Variants in CEP290 observed in about 807,000 individuals in gnomAD.
The protein encoded by CEP290 is centrosomal protein of 290 kDa.
In CEP290, 317 loss-of-function variants were observed where a neutral mutation model predicts 344.9. That is an observed-to-expected ratio of 0.92 (90% CI 0.84 to 1.01). CEP290 has a LOEUF of 1.01. Ranked by LOEUF, CEP290 falls within the 50% of genes least tolerant of loss-of-function variation. The pLI, the probability that CEP290 is intolerant of heterozygous loss-of-function variation, is 0.00. For synonymous variants in CEP290, 932 were observed against 895.8 expected, an observed-to-expected ratio of 1.04 and a Z score of -0.72; for missense variants, 2,754 against 2,761.4, an observed-to-expected ratio of 1.00 and a Z score of 0.06.
intron 6 of CEP290, 27 bp downstream of exon 6, chr12:88,136,616 G>T: frequency 6.2e-7 from 1 of 1,610,402 alleles, no homozygotes; most frequent in Non-Finnish European, 8.5e-7. Context: ...GAACAGTGAA[G>T]ATTCATGGAA....
In CEP290 at chr12:88,139,534, C is replaced by T. The variant is rs2040522225; in HGVS notation, c.211G>A (p.Glu71Lys). Residue 71 changes from glutamate to lysine, a missense_variant, in exon 4 of 54, where the codon GAA becomes AAA. By Grantham distance (56) the Glu-to-Lys change is moderately conservative. Coordinates refer to ENST00000552810, the MANE Select transcript of CEP290 (RefSeq NM_025114.4). Reference sequence around the variant, plus strand: ...TCTTCTCCAGCTTTTTCTACTTCTTCCAAAGCCAGCTCCACTTCTTGAGCT... The same window carrying T: ...TCTTCTCCAGCTTTTTCTACTTCTTTCAAAGCCAGCTCCACTTCTTGAGCT... ...MKAQEVELAL[E>K]EVEKAGEEQA... 6.3e-7 allele frequency: 1 copy of T among 1,595,148 alleles called. No homozygotes were observed. Among genetic ancestry groups the T allele is most frequent in the Non-Finnish European group, 8.5e-7 (1 of 1,171,718 alleles).
chr12:88,092,330 C>G (rs1378503695), intron 29 of CEP290, among the ~76,000 whole-genome samples: 3 of 152,068 alleles, frequency 2.0e-5, no homozygotes, highest in Non-Finnish European at 4.4e-5. Flanking sequence ...CTATTACTCC[C>G]TTATTAAAAT....
Position 88,083,114 on chromosome 12 carries a change from T to C in CEP290, c.4929A>G (p.Lys1643=). ...CCAAATCTTGTGATACTTTCTTTAGTTTGACCAAGAGTGAGGAAAGAGAGT... is the reference window on the plus strand; with the variant it reads ...CCAAATCTTGTGATACTTTCTTTAGCTTGACCAAGAGTGAGGAAAGAGAGT... ...QDDSLSSLLV[K]LKKVSQDLER... is the part of the protein sequence containing the mutation. Residue 1643 remains lysine, a synonymous_variant, in exon 37 of 54, where the codon AAA becomes AAG. Transcript: ENST00000552810. 6.5e-7 allele frequency: 1 copy of C among 1,544,112 alleles called. No homozygotes were observed. The highest frequency in any genetic ancestry group is 1.2e-5 in the South Asian group (1 of 80,998).
At position 88,092,688 on chromosome 12, in the gene CEP290, C is replaced by A. The variant is rs2037140913; in HGVS notation, c.3454G>T (p.Val1152Leu). The A allele has an allele frequency of 1.9e-6, 3 of 1,607,888 alleles. No homozygotes were observed. In the South Asian group the frequency reaches 3.4e-5, roughly 18 times the overall value. Residue 1152 changes from valine (V) to leucine (L), a missense_variant, in exon 29 of 54, where the codon GTG (valine) becomes TTG (leucine). Coordinates refer to ENST00000552810, the MANE Select transcript of CEP290 (RefSeq NM_025114.4). ...ATGCTTATATGCACTTACTTTGACACTTCAACTTTTAGTTCCATTTCATTC... is the reference window on the plus strand; with the variant it reads ...ATGCTTATATGCACTTACTTTGACAATTCAACTTTTAGTTCCATTTCATTC... ...EKNEMELKVE[V>L]SKLREISDIA...
At chr12:88,102,730 A>G in intron 26 of CEP290, 108 bp downstream of exon 26, 1 of 798,022 alleles carries the variant, frequency 1.3e-6, no homozygotes, top group Middle Eastern at 3.3e-4. Flanking sequence ...TGTTAAATTT[A>G]TATAAATGCA....
In CEP290 at chr12:88,136,604, T is replaced by C. The variant is rs763464135; in HGVS notation, c.441+39A>G. On this transcript the variant is annotated intron_variant, in intron 6 of 53. Coordinates refer to ENST00000552810, the MANE Select transcript of CEP290 (RefSeq NM_025114.4). ...CAATAATAATAAAAAGCCAGGTAAC[T>C]TGAACAGTGAAGATTCATGGAAAAA... The C allele has an allele frequency of 3.1e-6, 5 of 1,602,500 alleles. No homozygotes were observed. The East Asian group carries it at 8.9e-5, about 29-fold the overall frequency.
At chr12:88,141,502 A>G (rs909227964) in intron 1 of CEP290, among the ~76,000 whole-genome samples, 168 bp from the exon 2 acceptor site, 4 of 135,868 alleles carry the variant, frequency 2.9e-5, no homozygotes, top group Non-Finnish European at 4.9e-5. Flanking sequence ...GATCAAAAAT[A>G]GCAGTCGGCA....
chr12:88,079,317 A>G, intron 38 of CEP290, 88 bp from the exon 39 acceptor site: 1 of 992,800 alleles, frequency 1.0e-6, no homozygotes, highest in Non-Finnish European at 1.4e-6. Context: ...AACAAGCTTT[A>G]TTACTTCCTA....
chr12:88,069,003 T>C (rs1228525932), intron 43 of CEP290, among the ~76,000 whole-genome samples: 1 of 152,158 alleles, frequency 6.6e-6, no homozygotes, highest in Non-Finnish European at 1.5e-5. Flanking sequence ...AATAACTGCA[T>C]AATATCCATG....
chr12:88,109,749 G>A (rs1176161231), intron 22 of CEP290, among the ~76,000 whole-genome samples: 1 of 152,034 alleles, frequency 6.6e-6, no homozygotes, highest in East Asian at 1.9e-4. Context: ...CTAAGTACCT[G>A]TTTTGCCACT....
chr12:88,060,627 G>A (rs187075007), intron 47 of CEP290, among the ~76,000 whole-genome samples: 1 of 151,850 alleles, frequency 6.6e-6, no homozygotes, highest in East Asian at 1.9e-4. Flanking sequence ...GAAAAGTATT[G>A]GTCTTGAAAT....
chr12:88,073,799 TCTCA>T (rs1412297749), intron 41 of CEP290, among the ~76,000 whole-genome samples: 2 of 152,092 alleles, frequency 1.3e-5, no homozygotes, highest in African/African-American at 2.4e-5. Context: ...AAAGCCAAAT[TCTCA>T]CTAAGATTAG....
intron 46 of CEP290, 88 bp from the exon 47 acceptor site, chr12:88,061,082 A>G (rs1370327440): frequency 1.0e-5 from 9 of 869,578 alleles, no homozygotes; most frequent in Non-Finnish European, 1.5e-5. Context: ...ATTATACTCA[A>G]TAATTCCTAA....
rs1460806176 is a variant in CEP290, at chr12:88,077,249, T to G, written c.5682A>C (p.Glu1894Asp). Residue 1894 changes from glutamate to aspartate, a missense_variant, in exon 41 of 54, where the codon GAA becomes GAC. Glu to Asp is a conservative substitution (Grantham distance 45). Transcript: ENST00000552810. ...TTTCTTTCATAGGTTTTAGGTCTAC[T>G]TCCTCCACCTTTCCCTCTAATTGGT... Reference protein sequence around the residue: ...LENQLEGKVEEVDLKPMKEKN... With the variant: ...LENQLEGKVEDVDLKPMKEKN... The G allele has an allele frequency of 1.2e-6, 2 of 1,605,234 alleles. No individual in the cohort carries two copies. The highest frequency in any genetic ancestry group is 1.7e-6 in the Non-Finnish European group (2 of 1,176,934).
chr12:88,115,389 C>G (rs1420430736), intron 18 of CEP290: 3 of 854,852 alleles, frequency 3.5e-6, no homozygotes, highest in Non-Finnish European at 5.2e-6. Flanking sequence ...TCTCCCTCTC[C>G]CAACATCCAT....
At chr12:88,108,624 T>C (rs2038457095) in intron 23 of CEP290, among the ~76,000 whole-genome samples, 1 of 152,184 alleles carries the variant, frequency 6.6e-6, no homozygotes, top group African/African-American at 2.4e-5. Flanking sequence ...ATATGAACAA[T>C]GATGATTGTG....
chr12:88,116,284 A>G (rs954476591), intron 18 of CEP290, among the ~76,000 whole-genome samples: 2 of 152,234 alleles, frequency 1.3e-5, no homozygotes, highest in African/African-American at 2.4e-5. Flanking sequence ...GACTGCAGAC[A>G]TGGTGCTTTA....
intron 52 of CEP290, among the ~76,000 whole-genome samples, chr12:88,052,560 G>A (rs1267779991): frequency 6.6e-6 from 1 of 151,920 alleles, no homozygotes; most frequent in Admixed American, 6.6e-5. Context: ...TAGTAGTTTT[G>A]GTCTATAAAG....
rs943640988 is a variant in CEP290, at chr12:88,055,820, A to G, written c.6819-103T>C. On this transcript the variant is annotated intron_variant, in intron 49 of 53. Transcript: ENST00000552810. ...TACTAAAAATAAGCAAGAATATCTT[A>G]TTTTACTGTTTCTTCTAGTCAAAGT... is the stretch of plus-strand genomic sequence containing the variant. 1.3e-5 allele frequency: 11 copies of G among 828,084 alleles called. No individual in the cohort carries two copies. In the African/African-American group the frequency reaches 1.6e-4, roughly 12 times the overall value. 51.3% of individuals were successfully genotyped at this position (828,084 alleles called of 1,614,324 possible). A position where few individuals can be genotyped will look rare whatever the true frequency, so the allele number is the denominator to read the frequency against.
Sources: gnomAD v4.1 joint callset for allele counts (sites outside exome capture counted in the v4.1 genomes callset) on GRCh38, gnomAD v4.1.1 for gene constraint, MANE v1.5 for transcripts, NCBI Gene and HGNC (gene_info 2026-07-23, HGNC 2026-07-21) for gene names.